Variants in DAB2IP observed in about 807,000 individuals in gnomAD.
The protein encoded by DAB2IP is DAB2 interacting protein.
DAB2IP carries 28 observed loss-of-function variants against 107.2 expected under a neutral mutation model. The ratio of observed to expected loss-of-function variants is 0.26; its 90% confidence interval spans 0.19 to 0.36. The LOEUF (loss-of-function observed/expected upper bound fraction) is 0.36, where lower values mean the gene tolerates loss of function less well. Among genes scored for constraint, DAB2IP ranks in the 10% least tolerant of loss-of-function variants. DAB2IP has a pLI of 1.00. For synonymous variants in DAB2IP, 755 were observed against 706.4 expected (o/e 1.07, Z -1.09); for missense variants, 1,400 against 1,644.7 (o/e 0.85, Z 2.57).
chr9:121,763,418 A>G lies in DAB2IP; in HGVS notation c.1171-87A>G, dbSNP rs984857377. 3.7e-5 allele frequency: 56 copies of G among 1,508,526 alleles called. No individual in the cohort carries two copies. In the Middle Eastern group the frequency reaches 6.3e-4, roughly 17 times the overall value. The allele number at this position is 1,508,526 out of a possible 1,614,324, so 93.4% of individuals were successfully genotyped here. On this transcript the variant is annotated intron_variant, in intron 6 of 15. Transcript: ENST00000408936. ...GGTGATGGAACAGCCTCAAAATGCC[A>G]GGACTTCTCTGGCTAGGTCTGGAAT...
intron 1 of DAB2IP, among the ~76,000 whole-genome samples, chr9:121,622,822 G>A (rs1017431230): frequency 2.0e-5 from 3 of 152,190 alleles, no homozygotes; most frequent in Non-Finnish European, 4.4e-5. Context: ...CAGCCAGCTT[G>A]GGGCAGGTTT....
rs139569602 is a variant in DAB2IP at position 121,573,296 on chromosome 9, C to G, written c.40+6068C>G. Among the ~76,000 whole-genome samples the G allele has an allele frequency of 6.8e-3, 1,035 of 152,094 alleles. 21 individuals carry two copies. Among genetic ancestry groups the G allele is most frequent in the African/African-American group, 0.024 (993 of 41,436 alleles). On this transcript the variant is annotated intron_variant, in intron 1 of 16. Transcript: ENST00000259371. ...TTCGCCATGTTGGTCAAGCTGGTCTCGAACTTCTGACCTCAGGTGATCCAC... is the reference window on the plus strand; with the variant it reads ...TTCGCCATGTTGGTCAAGCTGGTCTGGAACTTCTGACCTCAGGTGATCCAC...
At chr9:121,742,020 A>G (rs1832385719) in intron 3 of DAB2IP, among the ~76,000 whole-genome samples, 1 of 151,996 alleles carries the variant, frequency 6.6e-6, no homozygotes, top group Admixed American at 6.6e-5. Context: ...TCTGAAACTT[A>G]TTTGGCTTCC....
chr9:121,626,057 G>A (rs1175493722), intron 1 of DAB2IP, among the ~76,000 whole-genome samples: 2 of 152,104 alleles, frequency 1.3e-5, no homozygotes, highest in South Asian at 2.1e-4. Flanking sequence ...TGGGCCCTGG[G>A]AGCCCCCTCT....
At chr9:121,780,576 G>A (rs1290537028) in intron 14 of DAB2IP, among the ~76,000 whole-genome samples, 2 of 152,178 alleles carry the variant, frequency 1.3e-5, no homozygotes, top group Admixed American at 6.5e-5. Flanking sequence ...CAAGGAGAAG[G>A]GAGGCTGAGG....
chr9:121,582,075 G>A (rs1830206872), intron 1 of DAB2IP, among the ~76,000 whole-genome samples: 1 of 152,192 alleles, frequency 6.6e-6, no homozygotes, highest in African/African-American at 2.4e-5. Flanking sequence ...AGTCATCTGG[G>A]GCCAAGAGGG....
upstream of DAB2IP, among the ~76,000 whole-genome samples, chr9:121,648,548 G>A (rs996298087): frequency 3.9e-5 from 6 of 152,092 alleles, no homozygotes; most frequent in Non-Finnish European, 8.8e-5. Flanking sequence ...GTGGGGTTAG[G>A]TCAGATCTGA....
At chr9:121,610,086 AAAAC>A (rs1831038083) in intron 1 of DAB2IP, among the ~76,000 whole-genome samples, 1 of 152,116 alleles carries the variant, frequency 6.6e-6, no homozygotes, top group Non-Finnish European at 1.5e-5. Context: ...GTGTATAAGA[AAAAC>A]AAACCTTTTG....
intron 2 of DAB2IP, among the ~76,000 whole-genome samples, chr9:121,686,188 C>G (rs1302980845): frequency 6.6e-6 from 1 of 152,170 alleles, no homozygotes; most frequent in African/African-American, 2.4e-5. Context: ...TGTTCCAACC[C>G]CCCCAACATC....
At chr9:121,573,032 A>G (rs1829984224) in intron 1 of DAB2IP, among the ~76,000 whole-genome samples, 1 of 151,794 alleles carries the variant, frequency 6.6e-6, no homozygotes, top group African/African-American at 2.4e-5. Context: ...ACTCCATGCC[A>G]GGATCCAAAG....
intron 13 of DAB2IP, 24 bp downstream of exon 13, chr9:121,774,436 G>A (rs758488597): frequency 1.4e-5 from 23 of 1,592,242 alleles, no homozygotes; most frequent in East Asian, 2.3e-5. Context: ...CTGGCGGCTC[G>A]GGACAGGGCG....
chr9:121,572,544 A>G (rs1031841210), intron 1 of DAB2IP, among the ~76,000 whole-genome samples: 2 of 152,124 alleles, frequency 1.3e-5, no homozygotes, highest in African/African-American at 4.8e-5. Flanking sequence ...CTGTCAGCTG[A>G]GGGTGCTGGG....
chr9:121,740,229 C>T (rs1832241023), intron 3 of DAB2IP, among the ~76,000 whole-genome samples: 1 of 152,166 alleles, frequency 6.6e-6, no homozygotes, highest in Non-Finnish European at 1.5e-5. Context: ...GGATCTCAGC[C>T]TGGAGATTCT....
At chr9:121,692,474 T>C (rs1829211991) in intron 2 of DAB2IP, among the ~76,000 whole-genome samples, 1 of 152,218 alleles carries the variant, frequency 6.6e-6, no homozygotes, top group South Asian at 2.1e-4. Context: ...TTTAAGTGTG[T>C]CTTTCCAGGC....
chr9:121,674,213 C>T (rs1307976154), intron 1 of DAB2IP, among the ~76,000 whole-genome samples: 1 of 152,196 alleles, frequency 6.6e-6, no homozygotes, highest in Admixed American at 6.5e-5. Flanking sequence ...TCCCTCCTCC[C>T]CTCATCTCTT....
At chr9:121,773,659 T>G (rs1260505455) in intron 12 of DAB2IP, among the ~76,000 whole-genome samples, 164 bp downstream of exon 12, 1 of 152,040 alleles carries the variant, frequency 6.6e-6, no homozygotes, top group Non-Finnish European at 1.5e-5. Flanking sequence ...TCCCCCTGGC[T>G]TCTTCCTGAA....
chr9:121,749,351 C>T (rs762851770), intron 3 of DAB2IP, among the ~76,000 whole-genome samples: 11 of 152,232 alleles, frequency 7.2e-5, no homozygotes, highest in Non-Finnish European at 1.5e-4. Flanking sequence ...TGGGCAGACG[C>T]TTCTAGCACA....
intron 3 of DAB2IP, among the ~76,000 whole-genome samples, chr9:121,740,424 C>G (rs889761511): frequency 1.3e-5 from 2 of 152,176 alleles, no homozygotes; most frequent in African/African-American, 2.4e-5. Context: ...GGTCCACGGC[C>G]CCTAAATAAG....
intron 3 of DAB2IP, among the ~76,000 whole-genome samples, chr9:121,748,554 G>A (rs992704946): frequency 3.3e-5 from 5 of 152,212 alleles, no homozygotes; most frequent in African/African-American, 1.2e-4. Flanking sequence ...TGTGGGACCT[G>A]AGCTTGAATA....
Sources: allele counts gnomAD v4.1 joint callset (sites outside exome capture counted in the v4.1 genomes callset), GRCh38; gene constraint gnomAD v4.1.1; transcripts MANE v1.5; gene names NCBI Gene and HGNC (gene_info 2026-07-23, HGNC 2026-07-21).